GLE1: variants seen among roughly 807,000 people sequenced by gnomAD.
GLE1 encodes mRNA export factor GLE1.
Under a neutral mutation model 97.3 loss-of-function variants are expected in GLE1, and 78 were observed. That is an observed-to-expected ratio of 0.80 (90% confidence interval 0.67 to 0.97). The LOEUF is 0.97. Ranked by LOEUF, GLE1 falls within the 50% of genes least tolerant of loss-of-function variation. The pLI is 0.00. For missense variants in GLE1, 753 were observed against 857.5 expected (o/e 0.88, Z 1.52); for synonymous variants, 302 against 313.4 (o/e 0.96, Z 0.39).
chr9:128,520,342 A>G (rs1029813708), intron 3 of GLE1, among the ~76,000 whole-genome samples: 10 of 148,260 alleles, frequency 6.7e-5, no homozygotes, highest in Admixed American at 4.1e-4. Flanking sequence ...ATATGTGTAT[A>G]TGTGTATATA....
intron 1 of GLE1, among the ~76,000 whole-genome samples, chr9:128,507,482 G>T (rs2132399499): frequency 6.6e-6 from 1 of 152,040 alleles, no homozygotes; most frequent in East Asian, 1.9e-4. Flanking sequence ...TCCTTGAGAG[G>T]CTGAGGTGGG....
chr9:128,521,510 C>T (rs1194789346), intron 3 of GLE1, among the ~76,000 whole-genome samples: 1 of 152,146 alleles, frequency 6.6e-6, no homozygotes, highest in Non-Finnish European at 1.5e-5. Context: ...CTCTAGCCTA[C>T]ATGACAGGGT....
chr9:128,517,964 C>G (rs966828156), intron 3 of GLE1, among the ~76,000 whole-genome samples: 4 of 151,980 alleles, frequency 2.6e-5, no homozygotes, highest in Admixed American at 2.6e-4. Context: ...TATAGAGATT[C>G]CTCAGTTATC....
chr9:128,519,081 A>G (rs1847065948), intron 3 of GLE1, among the ~76,000 whole-genome samples: 1 of 152,186 alleles, frequency 6.6e-6, no homozygotes, highest in South Asian at 2.1e-4. Context: ...TTCCCTAATC[A>G]ATACCCTTGT....
chr9:128,518,989 T>G (rs1403356086), intron 3 of GLE1, among the ~76,000 whole-genome samples: 3 of 152,156 alleles, frequency 2.0e-5, no homozygotes, highest in African/African-American at 7.2e-5. Flanking sequence ...GTTCCCCAAA[T>G]TAATACTTTT....
chr9:128,520,236 T>C (rs1847102091), intron 3 of GLE1, among the ~76,000 whole-genome samples: 1 of 151,592 alleles, frequency 6.6e-6, no homozygotes, highest in Non-Finnish European at 1.5e-5. Context: ...GGTGACAGTG[T>C]GAGACTGTGT....
intron 9 of GLE1, among the ~76,000 whole-genome samples, chr9:128,528,061 G>A (rs565933137): frequency 1.1e-4 from 16 of 142,748 alleles, no homozygotes; most frequent in Admixed American, 2.8e-4. Context: ...GTGAAGTGGC[G>A]TGATCTCGGC....
At chr9:128,515,186 G>C (rs1220678329) in intron 2 of GLE1, among the ~76,000 whole-genome samples, 1 of 152,142 alleles carries the variant, frequency 6.6e-6, no homozygotes, top group Non-Finnish European at 1.5e-5. Context: ...AGGGATGTAG[G>C]TTGGGGATAC....
At chr9:128,518,593 G>A (rs140940265) in intron 3 of GLE1, among the ~76,000 whole-genome samples, 6 of 151,388 alleles carry the variant, frequency 4.0e-5, no homozygotes, top group African/African-American at 1.2e-4. Flanking sequence ...AAAATAGCTG[G>A]ACATGGTGGC....
Position 128,541,361 on chromosome 9 carries a change from T to C in GLE1, c.*191T>C. On this transcript the variant is annotated 3_prime_UTR_variant, in exon 16 of 16. Coordinates refer to ENST00000309971, the MANE Select transcript of GLE1 (RefSeq NM_001003722.2). ...AATTCTTGGAGGTCCCTTAGTAGAT[T>C]TGGTAGTTCCTTAAGAGATCCACGT... 1 of 607,424 alleles carries C rather than the reference T, an allele frequency of 1.6e-6. No homozygotes were observed. The highest frequency in any genetic ancestry group is 2.9e-6 in the Non-Finnish European group (1 of 341,364). 37.6% of individuals were successfully genotyped at this position (607,424 alleles called of 1,614,324 possible). A position where few individuals can be genotyped will look rare whatever the true frequency, so the allele number is the denominator to read the frequency against.
At chr9:128,523,926 A>C in intron 6 of GLE1, 80 bp downstream of exon 6, 1 of 1,362,724 alleles carries the variant, frequency 7.3e-7, no homozygotes, top group East Asian at 2.3e-5. Context: ...TGACTTAAAA[A>C]GTAATACCTG....
intron 9 of GLE1, among the ~76,000 whole-genome samples, chr9:128,531,245 C>CAGCT (rs1847495456): frequency 6.8e-6 from 1 of 147,584 alleles, no homozygotes; most frequent in Admixed American, 6.8e-5. Context: ...AGGTGGATGT[C>CAGCT]AGCTGGGCCC....
intron 2 of GLE1, among the ~76,000 whole-genome samples, chr9:128,509,866 G>T (rs1846754231): frequency 6.6e-6 from 1 of 151,802 alleles, no homozygotes; most frequent in African/African-American, 2.4e-5. Flanking sequence ...CATTGAGATG[G>T]GAGGATCACT....
At chr9:128,508,275 G>T (rs1345525128) in intron 1 of GLE1, among the ~76,000 whole-genome samples, 1 of 151,886 alleles carries the variant, frequency 6.6e-6, no homozygotes, top group Admixed American at 6.6e-5. Flanking sequence ...AGTGGCGCAT[G>T]CCTGTACTCC....
At chr9:128,539,503 G>A (rs1418513351) in intron 13 of GLE1, 113 bp from the exon 14 acceptor site, 5 of 840,306 alleles carry the variant, frequency 6.0e-6, no homozygotes, top group Non-Finnish European at 1.0e-5. Context: ...GTGGCATTGT[G>A]GTTGAAATTT....
At chr9:128,511,077 G>A (rs925346707) in intron 2 of GLE1, among the ~76,000 whole-genome samples, 2 of 150,956 alleles carry the variant, frequency 1.3e-5, no homozygotes, top group Non-Finnish European at 1.5e-5. Context: ...CGTGGCGCAC[G>A]CCTGTAATCC....
At chr9:128,516,123 C>G (rs1031070122) in intron 3 of GLE1, among the ~76,000 whole-genome samples, 4 of 151,464 alleles carry the variant, frequency 2.6e-5, no homozygotes, top group Admixed American at 6.6e-5. Flanking sequence ...CACCCAGCTA[C>G]TTTATTTTCT....
intron 11 of GLE1, among the ~76,000 whole-genome samples, chr9:128,535,155 C>G (rs895047713): frequency 1.3e-5 from 2 of 152,110 alleles, no homozygotes; most frequent in African/African-American, 4.8e-5. Flanking sequence ...GCAGAAGGAT[C>G]GCTTGAGCCC....
intron 3 of GLE1, among the ~76,000 whole-genome samples, chr9:128,521,296 G>T (rs1018150336): frequency 2.0e-5 from 3 of 152,160 alleles, no homozygotes; most frequent in Admixed American, 6.5e-5. Context: ...CAGTTTGGGA[G>T]GCCAAAGTGG....
Sources: gnomAD v4.1 joint callset for allele counts (sites outside exome capture counted in the v4.1 genomes callset) on GRCh38, gnomAD v4.1.1 for gene constraint, MANE v1.5 for transcripts, NCBI Gene and HGNC (gene_info 2026-07-23, HGNC 2026-07-21) for gene names.